The following C1orf21 variants were observed in gnomAD, a reference collection of about 807,000 sequenced individuals.
The protein encoded by C1orf21 is chromosome 1 open reading frame 21, also known as uncharacterized protein C1orf21.
C1orf21 carries 3 observed loss-of-function variants against 18.7 expected under a neutral mutation model. That is an observed-to-expected ratio of 0.16 (90% confidence interval 0.07 to 0.42). The LOEUF (loss-of-function observed/expected upper bound fraction) is 0.42. C1orf21 is among the 10% of genes least tolerant of loss of function. The pLI is 0.99. For synonymous variants in C1orf21, 41 were observed against 46.4 expected, an observed-to-expected ratio of 0.88 and a Z score of 0.47; for missense variants, 104 against 143.6, an observed-to-expected ratio of 0.72 and a Z score of 1.41.
At chr1:184,589,881 G>A (rs1362647899) in intron 3 of C1orf21, among the ~76,000 whole-genome samples, 2 of 152,172 alleles carry the variant, frequency 1.3e-5, no homozygotes, top group Admixed American at 1.3e-4. Flanking sequence ...TGATGAGAAT[G>A]TTGCATCGGC....
chr1:184,469,915 C>T (rs1213554359), intron 1 of C1orf21, among the ~76,000 whole-genome samples: 4 of 152,168 alleles, frequency 2.6e-5, no homozygotes, highest in African/African-American at 9.7e-5. Flanking sequence ...GCTGGTCCTC[C>T]AAGGGCAGGA....
chr1:184,538,327 T>A (rs1658591961), intron 3 of C1orf21, among the ~76,000 whole-genome samples: 1 of 152,240 alleles, frequency 6.6e-6, no homozygotes, highest in Non-Finnish European at 1.5e-5. Flanking sequence ...GCTTCTTTTC[T>A]TGTTAAGTTT....
chr1:184,467,857 A>G (rs1193357608), intron 1 of C1orf21, among the ~76,000 whole-genome samples: 1 of 152,202 alleles, frequency 6.6e-6, no homozygotes, highest in Non-Finnish European at 1.5e-5. Flanking sequence ...TCATTTTATA[A>G]ATGAGGACCC....
intron 3 of C1orf21, among the ~76,000 whole-genome samples, chr1:184,571,905 C>G (rs1282239408): frequency 6.7e-6 from 1 of 150,086 alleles, no homozygotes; most frequent in Non-Finnish European, 1.5e-5. Flanking sequence ...TGATGTTCTT[C>G]TTAATGTTCT....
intron 3 of C1orf21, among the ~76,000 whole-genome samples, chr1:184,528,184 T>G (rs1658405371): frequency 6.6e-6 from 1 of 152,198 alleles, no homozygotes; most frequent in African/African-American, 2.4e-5. Context: ...GTTAAACTTC[T>G]TTTCTAAAGT....
intron 1 of C1orf21, among the ~76,000 whole-genome samples, chr1:184,398,150 C>T (rs546277955): frequency 5.3e-5 from 8 of 152,234 alleles, no homozygotes; most frequent in South Asian, 2.1e-4. Flanking sequence ...TGAATGACAA[C>T]GGCAATAATT....
At chr1:184,484,629 C>A (rs771275517) in intron 2 of C1orf21, among the ~76,000 whole-genome samples, 2 of 152,172 alleles carry the variant, frequency 1.3e-5, no homozygotes, top group African/African-American at 4.8e-5. Context: ...TGAACCAGCC[C>A]TCCCATATAA....
At chr1:184,548,878 T>C (rs1658770861) in intron 3 of C1orf21, among the ~76,000 whole-genome samples, 2 of 152,200 alleles carry the variant, frequency 1.3e-5, no homozygotes, top group African/African-American at 4.8e-5. Flanking sequence ...TTAATGCTCA[T>C]GACTCCTTTA....
At chr1:184,608,430 G>A (rs922994177) in intron 5 of C1orf21, among the ~76,000 whole-genome samples, 1 of 152,144 alleles carries the variant, frequency 6.6e-6, no homozygotes, top group African/African-American at 2.4e-5. Context: ...ATGGGCCGTG[G>A]GCCCTGCTCT....
intron 3 of C1orf21, chr1:184,566,676 G>T: frequency 2.6e-6 from 1 of 389,286 alleles, no homozygotes; most frequent in Non-Finnish European, 5.1e-6. Context: ...CACCCATGTG[G>T]TAGCCAAGAA....
chr1:184,527,730 C>T (rs1557994561), intron 3 of C1orf21, among the ~76,000 whole-genome samples: 1 of 152,180 alleles, frequency 6.6e-6, no homozygotes, highest in Non-Finnish European at 1.5e-5. Flanking sequence ...CTGTCACTTA[C>T]TAGCATGTTA....
chr1:184,487,213 C>A (rs1657745445), intron 2 of C1orf21, among the ~76,000 whole-genome samples: 1 of 152,194 alleles, frequency 6.6e-6, no homozygotes, highest in African/African-American at 2.4e-5. Context: ...AAGGGACCTG[C>A]CTTGCTATGA....
intron 2 of C1orf21, among the ~76,000 whole-genome samples, chr1:184,491,782 G>A (rs1326699788): frequency 1.3e-5 from 2 of 152,176 alleles, no homozygotes; most frequent in Non-Finnish European, 1.5e-5. Context: ...AAGTGGTTTG[G>A]TTTCATTTTG....
At chr1:184,559,832 G>T (rs1030838427) in intron 3 of C1orf21, among the ~76,000 whole-genome samples, 1 of 152,012 alleles carries the variant, frequency 6.6e-6, no homozygotes, top group African/African-American at 2.4e-5. Context: ...TGCCCAGGCT[G>T]GTCTCTAACT....
chr1:184,607,708 CATATATGTGTGTGTATATATATACAT>C (rs1219810762), intron 5 of C1orf21, among the ~76,000 whole-genome samples: 90 of 146,764 alleles, frequency 6.1e-4, no homozygotes, highest in South Asian at 2.2e-3. Flanking sequence ...TATATATACA[CATATATGTGTGTGTATATATATACAT>C]ATATATGTGT....
intron 3 of C1orf21, among the ~76,000 whole-genome samples, chr1:184,557,765 A>G (rs1347715010): frequency 6.6e-6 from 1 of 152,126 alleles, no homozygotes; most frequent in Non-Finnish European, 1.5e-5. Context: ...ACTTAGATTG[A>G]CTTTGATGAC....
At chr1:184,581,273 A>G (rs569535072) in intron 3 of C1orf21, among the ~76,000 whole-genome samples, 2 of 152,218 alleles carry the variant, frequency 1.3e-5, no homozygotes, top group South Asian at 4.2e-4. Flanking sequence ...CTAAAAATAC[A>G]AAAATTAGCC....
At chr1:184,399,439 T>G (rs1274868710) in intron 1 of C1orf21, among the ~76,000 whole-genome samples, 1 of 148,520 alleles carries the variant, frequency 6.7e-6, no homozygotes, top group Non-Finnish European at 1.5e-5. Context: ...CTCGGCTCAC[T>G]GCAGCCTCTG....
chr1:184,584,270 T>C (rs181394708), intron 3 of C1orf21, among the ~76,000 whole-genome samples: 1 of 151,918 alleles, frequency 6.6e-6, no homozygotes, highest in East Asian at 1.9e-4. Flanking sequence ...CGCCAACAAG[T>C]TAAGTATACA....
Sources: gnomAD v4.1 joint callset for allele counts (sites outside exome capture counted in the v4.1 genomes callset) on GRCh38, gnomAD v4.1.1 for gene constraint, MANE v1.5 for transcripts, NCBI Gene and HGNC (gene_info 2026-07-23, HGNC 2026-07-21) for gene names.